The following RELL1 variants were observed in gnomAD, a reference collection of about 807,000 sequenced individuals.
RELL1 encodes RELT like 1, also known as RELT-like protein 1.
In RELL1, 10 loss-of-function variants were observed where a neutral mutation model predicts 23.0. The observed-to-expected ratio is 0.43, with a 90% CI of 0.27 to 0.74. The LOEUF is 0.74. Ranked by LOEUF, RELL1 falls within the 30% of genes least tolerant of loss-of-function variation. RELL1 has a pLI of 0.19. For synonymous variants in RELL1, 146 were observed against 146.8 expected, an observed-to-expected ratio of 0.99 and a Z score of 0.04; for missense variants, 315 against 364.4, an observed-to-expected ratio of 0.86 and a Z score of 1.10.
Position 37,612,339 on chromosome 4 carries a change from CAA to C in RELL1, c.*1005_*1006del, listed in dbSNP as rs67692676. 7.0e-5 allele frequency among the ~76,000 whole-genome samples: 6 copies of C among 85,332 alleles called. No individual in the cohort carries two copies. In the East Asian group the frequency reaches 1.3e-3, roughly 19 times the overall value. 56.0% of individuals were successfully genotyped at this position (85,332 alleles called of 152,430 possible). A position where few individuals can be genotyped will look rare whatever the true frequency, so the allele number is the denominator to read the frequency against. On this transcript the variant is annotated 3_prime_UTR_variant, in exon 7 of 7. Coordinates refer to ENST00000454158, the MANE Select transcript of RELL1 (RefSeq NM_001085400.2). ...CTAAAGGTTAAAAAAAAAAAAAAAA[CAA>C]AAAAAAACAAAAAACCGGGTGCAGT... is the stretch of plus-strand genomic sequence containing the variant.
intron 3 of RELL1, among the ~76,000 whole-genome samples, chr4:37,644,701 C>T (rs1336152241): frequency 6.6e-6 from 1 of 151,970 alleles, no homozygotes; most frequent in African/African-American, 2.4e-5. Context: ...CTCAAGTGAT[C>T]CTCCTACCTT....
At chr4:37,591,165 C>T (rs1718591719) in exon 7 of RELL1, 2 of 600,232 alleles carry the variant, frequency 3.3e-6, no homozygotes, top group African/African-American at 3.7e-5. Flanking sequence ...TCCCATGCTG[C>T]TTGTCACATA....
chr4:37,654,433 T>C (rs1483489565), intron 1 of RELL1, among the ~76,000 whole-genome samples: 1 of 152,242 alleles, frequency 6.6e-6, no homozygotes, highest in Admixed American at 6.5e-5. Context: ...TATATTGTGA[T>C]CTACCTTAAC....
Position 37,634,901 on chromosome 4 carries a change from G to C in RELL1, c.666C>G (p.Val222=). The change falls in exon 5 of 7, where the codon GTC becomes GTG. Residue 222 remains valine (V), a synonymous_variant. Transcript: ENST00000454158. ...AGGGATCTTACCTGCCAACAGAAAGGACCGTGACCTCGCCTTGGCGCCGTG... is the reference window on the plus strand; with the variant it reads ...AGGGATCTTACCTGCCAACAGAAAGCACCGTGACCTCGCCTTGGCGCCGTG... ...SRPRRQGEVT[V]LSVGRFRVTK... is the part of the protein sequence containing the mutation. 6.2e-7 allele frequency: 1 copy of C among 1,614,212 alleles called. No individual in the cohort carries two copies. Among genetic ancestry groups the C allele is most frequent in the Non-Finnish European group, 8.5e-7 (1 of 1,180,026 alleles).
At chr4:37,647,670 A>C (rs3934005) in intron 2 of RELL1, among the ~76,000 whole-genome samples, 34,984 of 152,114 alleles carry the variant, frequency 0.23, 4,548 homozygotes, top group Middle Eastern at 0.3. Context: ...TCAAATACTC[A>C]CTTTCCAAGA....
chr4:37,602,325 CT>C (rs886449172), intron 6 of RELL1, among the ~76,000 whole-genome samples: 30 of 151,590 alleles, frequency 2.0e-4, no homozygotes, highest in African/African-American at 6.8e-4. Flanking sequence ...GAAATATGGT[CT>C]TCACCAGCCC....
chr4:37,682,888 G>T (rs1022054405), intron 1 of RELL1, among the ~76,000 whole-genome samples: 1 of 152,186 alleles, frequency 6.6e-6, no homozygotes, highest in Non-Finnish European at 1.5e-5. Context: ...TTACTCGAGG[G>T]CTATGCCCAC....
At chr4:37,643,014 C>G (rs561540780) in intron 3 of RELL1, among the ~76,000 whole-genome samples, 3 of 152,202 alleles carry the variant, frequency 2.0e-5, no homozygotes, top group Admixed American at 6.5e-5. Context: ...AAGTGTTTCC[C>G]TGAGTCCTGT....
intron 3 of RELL1, among the ~76,000 whole-genome samples, chr4:37,642,360 C>CT: frequency 6.6e-6 from 1 of 152,306 alleles, no homozygotes; most frequent in East Asian, 1.9e-4. Flanking sequence ...AGGAACTCAG[C>CT]TACAGACTCC....
At chr4:37,670,208 T>C (rs1384399877) in intron 1 of RELL1, among the ~76,000 whole-genome samples, 1 of 144,218 alleles carries the variant, frequency 6.9e-6, no homozygotes, top group Non-Finnish European at 1.5e-5. Flanking sequence ...TCATAATCGA[T>C]AGTTTTTTTT....
chr4:37,606,191 GAGAAAGAAGAA>G (rs1006042786), downstream of RELL1, among the ~76,000 whole-genome samples: 1 of 114,426 alleles, frequency 8.7e-6, no homozygotes, highest in African/African-American at 3.2e-5. The surrounding 1 kb of genome is among the most constrained non-coding windows in gnomAD (Gnocchi z 4.1). Flanking sequence ...AAGAAAGAAA[GAGAAAGAAGAA>G]AGAAAGAAGG....
intron 1 of RELL1, among the ~76,000 whole-genome samples, chr4:37,679,568 A>G (rs75745186): frequency 0.085 from 13,014 of 152,304 alleles, 733 homozygotes; most frequent in South Asian, 0.13. Flanking sequence ...AATGCAATGC[A>G]TTTAGCGCAC....
At chr4:37,590,201 T>A, downstream of RELL1, 1 of 1,614,160 alleles carries the variant, frequency 6.2e-7, no homozygotes, top group Non-Finnish European at 8.5e-7. Context: ...AGCAGTGAAG[T>A]CTTGGTGCAG....
chr4:37,653,578 T>C (rs896392111), intron 1 of RELL1, among the ~76,000 whole-genome samples: 19 of 152,124 alleles, frequency 1.2e-4, no homozygotes, highest in African/African-American at 3.4e-4. Context: ...AACTTCTAAA[T>C]TGACTGAGAC....
At chr4:37,679,295 A>T (rs1387324763) in intron 1 of RELL1, among the ~76,000 whole-genome samples, 1 of 152,182 alleles carries the variant, frequency 6.6e-6, no homozygotes, top group African/African-American at 2.4e-5. Flanking sequence ...AATAAACAAA[A>T]TCTTAGTTTT....
At chr4:37,589,989 G>C (rs1477620330), downstream of RELL1, 1 of 878,016 alleles carries the variant, frequency 1.1e-6, no homozygotes, top group Non-Finnish European at 1.8e-6. Flanking sequence ...AGTAATCACA[G>C]AAATTAAATT....
chr4:37,659,124 G>A (rs1053082491), intron 1 of RELL1, among the ~76,000 whole-genome samples: 9 of 152,192 alleles, frequency 5.9e-5, no homozygotes, highest in Admixed American at 5.2e-4. Flanking sequence ...GCTCTAGCTG[G>A]TAAGTGTGAT....
rs112096242 is a variant in RELL1 at position 37,642,768 on chromosome 4, A to G, written c.386-4264T>C. On this transcript the variant is annotated intron_variant, in intron 3 of 6. Transcript: ENST00000454158. The stretch of plus-strand genomic sequence containing the variant: ...TTCAGCCCTACCCAGGGACCTCAGG[A>G]AAGTCAGAGCAGGGGAGGACGGGGC... Among the ~76,000 whole-genome samples the G allele has an allele frequency of 4.4e-3, 673 of 152,316 alleles. 3 individuals are homozygous for G. Among genetic ancestry groups the G allele is most frequent in the Non-Finnish European group, 7.5e-3 (513 of 68,016 alleles).
intron 6 of RELL1, among the ~76,000 whole-genome samples, chr4:37,593,510 A>C (rs1718715900): frequency 6.6e-6 from 1 of 151,622 alleles, no homozygotes; most frequent in South Asian, 2.1e-4. Flanking sequence ...TAAAAACCCC[A>C]CTCACTCTCT....
Sources: gnomAD v4.1 joint callset for allele counts (sites outside exome capture counted in the v4.1 genomes callset) on GRCh38, gnomAD v4.1.1 for gene constraint, Gnocchi (gnomAD v3.1) non-coding constraint, MANE v1.5 for transcripts, NCBI Gene and HGNC (gene_info 2026-07-23, HGNC 2026-07-21) for gene names.